NDST4: variants seen among roughly 807,000 people sequenced by gnomAD.
The protein encoded by NDST4 is N-deacetylase and N-sulfotransferase 4, also known as N-heparan sulfate sulfotransferase 4.
In NDST4, 63 loss-of-function variants were observed where a neutral mutation model predicts 100.8. That is an observed-to-expected ratio of 0.62 (90% CI 0.51 to 0.77). The LOEUF is 0.77. Ranked by LOEUF, NDST4 falls within the 30% of genes least tolerant of loss-of-function variation. The pLI is 0.00. For missense variants in NDST4, 943 were observed against 1,018.4 expected (o/e 0.93, Z 1.01); for synonymous variants, 377 against 361.8 (o/e 1.04, Z -0.48).
At chr4:115,033,299 A>G (rs539358256) in intron 2 of NDST4, among the ~76,000 whole-genome samples, 177 of 151,166 alleles carry the variant, frequency 1.2e-3, no homozygotes, top group African/African-American at 4.2e-3. Flanking sequence ...TAATTTTTGT[A>G]GAAACAAGAT....
chr4:114,827,772 T>TA lies in NDST4; in HGVS notation c.*43dup, dbSNP rs773350012. The TA allele has an allele frequency of 6.3e-7, 1 of 1,583,502 alleles. No homozygotes were observed. The highest frequency in any genetic ancestry group is 8.6e-7 in the Non-Finnish European group (1 of 1,169,218). On this transcript the variant is annotated 3_prime_UTR_variant, in exon 14 of 14. Transcript: ENST00000264363. ...AATAAAGGTGGATTTATTTTTTTTT[T>TA]AACACTAAAAGTATCTTGAGAGGCT... is the stretch of plus-strand genomic sequence containing the variant.
chr4:114,967,130 C>A (rs1726400231), intron 4 of NDST4, among the ~76,000 whole-genome samples: 1 of 152,012 alleles, frequency 6.6e-6, no homozygotes, highest in South Asian at 2.1e-4. Flanking sequence ...AGAGATATAT[C>A]TCTTGGCTCT....
intron 13 of NDST4, 26 bp from the exon 14 acceptor site, chr4:114,827,961 A>G (rs1293716480): frequency 6.3e-7 from 1 of 1,575,468 alleles, no homozygotes; most frequent in East Asian, 2.2e-5. Context: ...GAAGAACTTG[A>G]AAGAAGCTCT....
At chr4:114,900,571 C>T (rs995474607) in intron 6 of NDST4, among the ~76,000 whole-genome samples, 4 of 152,248 alleles carry the variant, frequency 2.6e-5, no homozygotes, top group Middle Eastern at 6.8e-3. Flanking sequence ...CACTGTGTTA[C>T]AATTGCCTAC....
At chr4:114,911,199 T>C (rs899268182) in intron 6 of NDST4, among the ~76,000 whole-genome samples, 15 of 151,612 alleles carry the variant, frequency 9.9e-5, no homozygotes, top group African/African-American at 3.1e-4. Flanking sequence ...TTGCGTGACT[T>C]AGTCTTGATT....
chr4:114,891,568 CTTCT>C (rs1724597289), intron 6 of NDST4, among the ~76,000 whole-genome samples: 2 of 152,038 alleles, frequency 1.3e-5, no homozygotes, highest in Admixed American at 6.6e-5. Flanking sequence ...TAATTTCTTC[CTTCT>C]TTATTTGTAT....
intron 2 of NDST4, among the ~76,000 whole-genome samples, chr4:115,053,578 T>C (rs1381313164): frequency 6.6e-6 from 1 of 152,154 alleles, no homozygotes; most frequent in Admixed American, 6.6e-5. Flanking sequence ...CTTTTGATGT[T>C]TGAATGATAA....
chr4:114,831,914 T>C (rs1199436493), intron 12 of NDST4, among the ~76,000 whole-genome samples: 1 of 152,220 alleles, frequency 6.6e-6, no homozygotes, highest in African/African-American at 2.4e-5. Flanking sequence ...TGCCTCAATA[T>C]AACTGTTAGG....
chr4:114,992,945 G>T (rs1727074041), intron 2 of NDST4, among the ~76,000 whole-genome samples: 1 of 151,746 alleles, frequency 6.6e-6, no homozygotes, highest in South Asian at 2.1e-4. Flanking sequence ...TCTGATATTT[G>T]TATATTTTAC....
In NDST4 at chr4:114,854,752, G is replaced by A. The variant is rs926014856; in HGVS notation, c.1720-1931C>T. ...CAAAGTGCTGGGATTACAGGCATGA[G>A]CCCGACCAATTTCCTTTCTTTTTTA... is the stretch of plus-strand genomic sequence containing the variant. On this transcript the variant is annotated intron_variant, in intron 7 of 13. Transcript: ENST00000264363. Among the ~76,000 whole-genome samples the A allele has an allele frequency of 6.6e-5, 10 of 152,212 alleles. No homozygotes were observed. The East Asian group carries it at 1.9e-3, about 29-fold the overall frequency.
At chr4:115,037,157 G>A (rs577228274) in intron 2 of NDST4, among the ~76,000 whole-genome samples, 1 of 152,052 alleles carries the variant, frequency 6.6e-6, no homozygotes, top group Non-Finnish European at 1.5e-5. Context: ...AAGGATAGTG[G>A]TCATTAATGA....
chr4:115,080,520 T>C (rs1027289729), intron 1 of NDST4, among the ~76,000 whole-genome samples: 3 of 152,168 alleles, frequency 2.0e-5, no homozygotes, highest in Non-Finnish European at 4.4e-5. Flanking sequence ...TTGGATTGCA[T>C]TTTACTAAAA....
intron 2 of NDST4, among the ~76,000 whole-genome samples, chr4:115,061,639 G>A (rs1728825267): frequency 6.6e-6 from 1 of 151,968 alleles, no homozygotes; most frequent in Non-Finnish European, 1.5e-5. Context: ...AGGGGCAAGG[G>A]GAGGGAGAGC....
intron 6 of NDST4, among the ~76,000 whole-genome samples, chr4:114,883,607 C>T (rs1169331115): frequency 6.6e-6 from 1 of 152,058 alleles, no homozygotes. Flanking sequence ...TCAATAATCA[C>T]TTTAATCATA....
intron 2 of NDST4, among the ~76,000 whole-genome samples, chr4:115,021,209 CAT>C (rs1423278806): frequency 7.0e-5 from 10 of 142,644 alleles, no homozygotes; most frequent in African/African-American, 8.3e-5. Flanking sequence ...ATATATATTC[CAT>C]ATATATATAT....
At position 115,076,665 on chromosome 4, in the gene NDST4, G is replaced by A. The variant is rs376318331; in HGVS notation, c.372C>T (p.Gly124=). 115 of 1,613,586 alleles carry A rather than the reference G, an allele frequency of 7.1e-5. No homozygotes were observed. Among genetic ancestry groups the A allele is most frequent in the Admixed American group, 2.5e-4 (15 of 59,946 alleles). ...AAATAACTAAAGTATATTTCCCTTTGCCATTATCTGTAAGAGGAGGTATAT... is the reference window on the plus strand; with the variant it reads ...AAATAACTAAAGTATATTTCCCTTTACCATTATCTGTAAGAGGAGGTATAT... ...KGDIPPLTDN[G]KGKYTLVIYE... The change falls in exon 2 of 14, where the codon GGC becomes GGT. Residue 124 remains glycine (G), a synonymous_variant. Coordinates refer to ENST00000264363, the MANE Select transcript of NDST4 (RefSeq NM_022569.3).
intron 1 of NDST4, among the ~76,000 whole-genome samples, chr4:115,098,851 C>T (rs1169198507): frequency 6.6e-6 from 1 of 152,132 alleles, no homozygotes; most frequent in African/African-American, 2.4e-5. Flanking sequence ...AAGCATGTGC[C>T]ACCACACCTT....
chr4:115,054,882 G>A (rs1461215376), intron 2 of NDST4, among the ~76,000 whole-genome samples: 1 of 152,098 alleles, frequency 6.6e-6, no homozygotes, highest in Non-Finnish European at 1.5e-5. Flanking sequence ...GACATGGAAG[G>A]TTGCTTATTT....
intron 6 of NDST4, among the ~76,000 whole-genome samples, chr4:114,890,639 T>C (rs916268366): frequency 6.6e-6 from 1 of 152,096 alleles, no homozygotes; most frequent in Non-Finnish European, 1.5e-5. Context: ...TTTCCCAGTA[T>C]GCCCAAACTC....
Sources: allele counts gnomAD v4.1 joint callset (sites outside exome capture counted in the v4.1 genomes callset), GRCh38; gene constraint gnomAD v4.1.1; transcripts MANE v1.5; gene names NCBI Gene and HGNC (gene_info 2026-07-23, HGNC 2026-07-21).